GPD2: variants seen among roughly 807,000 people sequenced by gnomAD.
GPD2 encodes the protein glycerol-3-phosphate dehydrogenase, mitochondrial.
Under a neutral mutation model 82.4 loss-of-function variants are expected in GPD2, and 54 were observed. That is an observed-to-expected ratio of 0.66 (90% confidence interval 0.53 to 0.82). The LOEUF (loss-of-function observed/expected upper bound fraction) is 0.82, where lower values mean the gene tolerates loss of function less well. GPD2 is among the 40% of genes least tolerant of loss of function. The pLI is 0.00. For synonymous variants in GPD2, 288 were observed against 306.1 expected (o/e 0.94, Z 0.62); for missense variants, 748 against 896.2 (o/e 0.83, Z 2.11).
chr2:156,549,853 A>C, intron 7 of GPD2, 81 bp downstream of exon 7: 3 of 1,021,148 alleles, frequency 2.9e-6, no homozygotes, highest in Non-Finnish European at 4.5e-6. Flanking sequence ...TTTTTCTGTC[A>C]CTTCTCTTTC....
intron 1 of GPD2, among the ~76,000 whole-genome samples, chr2:156,470,186 T>G (rs1683281248): frequency 6.6e-6 from 1 of 151,690 alleles, no homozygotes; most frequent in African/African-American, 2.4e-5. Flanking sequence ...CATGGAATCT[T>G]TTTCTTTTTC....
chr2:156,444,432 G>T (rs1264710410), intron 1 of GPD2, among the ~76,000 whole-genome samples: 2 of 152,098 alleles, frequency 1.3e-5, no homozygotes, highest in African/African-American at 4.8e-5. Context: ...TATAGATTCC[G>T]CAGGGGGCAG....
At chr2:156,468,598 G>T (rs1409753133) in intron 1 of GPD2, among the ~76,000 whole-genome samples, 1 of 152,140 alleles carries the variant, frequency 6.6e-6, no homozygotes, top group South Asian at 2.1e-4. Context: ...TACATCTTGG[G>T]GTTTTTATTT....
intron 6 of GPD2, among the ~76,000 whole-genome samples, chr2:156,529,465 GT>G (rs1335595265): frequency 2.7e-5 from 4 of 146,536 alleles, no homozygotes; most frequent in Non-Finnish European, 6.1e-5. Flanking sequence ...TGTCAATTTT[GT>G]CTTTTGTTGC....
chr2:156,470,352 T>C (rs557627654), intron 1 of GPD2, among the ~76,000 whole-genome samples: 8 of 152,230 alleles, frequency 5.3e-5, no homozygotes, highest in Admixed American at 2.0e-4. Flanking sequence ...TGCGCCACCA[T>C]GCCCAGCTAA....
intron 6 of GPD2, among the ~76,000 whole-genome samples, chr2:156,526,822 A>G (rs1357647040): frequency 1.3e-5 from 2 of 152,130 alleles, no homozygotes; most frequent in Non-Finnish European, 1.5e-5. Context: ...ACATTGCAAT[A>G]TGGGGAAATA....
chr2:156,421,702 C>T, the GPD2 span, among the ~76,000 whole-genome samples: 1 of 152,182 alleles, frequency 6.6e-6, no homozygotes, highest in Non-Finnish European at 1.5e-5. Flanking sequence ...GTAAGATCAA[C>T]TTGAAGGCAA....
At chr2:156,504,908 A>G (rs1470837872) in intron 3 of GPD2, among the ~76,000 whole-genome samples, 2 of 152,100 alleles carry the variant, frequency 1.3e-5, no homozygotes, top group African/African-American at 4.8e-5. Flanking sequence ...AAATACCCAA[A>G]TGTCAACTGT....
the GPD2 span, among the ~76,000 whole-genome samples, chr2:156,411,169 A>T: frequency 1.8e-4 from 28 of 152,338 alleles, no homozygotes; most frequent in African/African-American, 6.0e-4. Context: ...TAGCTTATTT[A>T]AAAATCCTTC....
intron 1 of GPD2, among the ~76,000 whole-genome samples, chr2:156,475,132 A>T (rs1425222623): frequency 6.6e-6 from 1 of 152,058 alleles, no homozygotes; most frequent in Non-Finnish European, 1.5e-5. Context: ...GAAAGAAAAA[A>T]ATATAAATAC....
chr2:156,412,691 C>A, the GPD2 span, among the ~76,000 whole-genome samples: 15 of 152,276 alleles, frequency 9.9e-5, no homozygotes, highest in Middle Eastern at 3.4e-3. Flanking sequence ...CTATACATAA[C>A]AAATGAGAAC....
chr2:156,570,118 A>G lies in GPD2; in HGVS notation c.1508A>G (p.Asp503Gly), dbSNP rs1488216568. 4 of 1,611,978 alleles carry G rather than the reference A, an allele frequency of 2.5e-6. No individual in the cohort carries two copies. The Admixed American group carries it at 6.7e-5, about 27-fold the overall frequency. Residue 503 changes from aspartate (D) to glycine (G), a missense_variant, in exon 12 of 17, where the codon GAT becomes GGT. By Grantham distance (94) the Asp-to-Gly change is moderately conservative. Coordinates refer to ENST00000438166, the MANE Select transcript of GPD2 (RefSeq NM_000408.5). ...VAQHLAATYG[D>G]KAFEVAKMAS... ...CAGCATCTTGCCGCCACCTATGGTG[A>G]TAAGGCCTTTGAGGTGGCCAAAATG... is the stretch of plus-strand genomic sequence containing the variant.
the GPD2 span, among the ~76,000 whole-genome samples, chr2:156,418,438 T>TA: frequency 3.1e-4 from 47 of 151,548 alleles, no homozygotes; most frequent in South Asian, 8.3e-4. Context: ...ACATTAATAA[T>TA]AAAAAAAAGG....
At position 156,448,539 on chromosome 2, in the gene GPD2, A is replaced by G. The variant is rs1474203215; in HGVS notation, c.-9+12026A>G. 2.0e-5 allele frequency among the ~76,000 whole-genome samples: 3 copies of G among 152,224 alleles called. 1 individual carries two copies. Among genetic ancestry groups the G allele is most frequent in the Admixed American group, 2.0e-4 (3 of 15,286 alleles). On this transcript the variant is annotated intron_variant, in intron 1 of 16. Coordinates refer to ENST00000438166, the MANE Select transcript of GPD2 (RefSeq NM_000408.5). Reference sequence around the variant, plus strand: ...AATGCTTAAATAAAGGAGAGACATGAGAAGATAAGAGTTGTATGCATACTT... The same window carrying G: ...AATGCTTAAATAAAGGAGAGACATGGGAAGATAAGAGTTGTATGCATACTT...
intron 6 of GPD2, among the ~76,000 whole-genome samples, chr2:156,546,707 T>G (rs546340219): frequency 9.8e-5 from 15 of 152,308 alleles, no homozygotes; most frequent in African/African-American, 1.7e-4. Flanking sequence ...AAGGGATACC[T>G]TCTGGGATAA....
intron 8 of GPD2, among the ~76,000 whole-genome samples, chr2:156,556,181 G>C (rs1424417608): frequency 6.6e-6 from 1 of 152,102 alleles, no homozygotes; most frequent in Non-Finnish European, 1.5e-5. Context: ...AAATCTGACT[G>C]TGTGTCTTTT....
intron 6 of GPD2, among the ~76,000 whole-genome samples, chr2:156,534,493 T>G (rs1685989328): frequency 6.6e-6 from 1 of 152,212 alleles, no homozygotes; most frequent in Non-Finnish European, 1.5e-5. Context: ...TTTCCTTGCC[T>G]CCTGTCCATA....
chr2:156,453,254 G>A (rs911591238), intron 1 of GPD2, among the ~76,000 whole-genome samples: 1 of 152,258 alleles, frequency 6.6e-6, no homozygotes. Flanking sequence ...GAGGAGCAAG[G>A]GAGTTAAGGG....
chr2:156,450,158 A>G (rs1184089700), intron 1 of GPD2, among the ~76,000 whole-genome samples: 2 of 152,254 alleles, frequency 1.3e-5, no homozygotes, highest in East Asian at 3.8e-4. Context: ...GAGCTGGTCC[A>G]CTTACTGAGA....
Sources: gnomAD v4.1 joint callset for allele counts (sites outside exome capture counted in the v4.1 genomes callset) on GRCh38, gnomAD v4.1.1 for gene constraint, MANE v1.5 for transcripts, NCBI Gene and HGNC (gene_info 2026-07-23, HGNC 2026-07-21) for gene names.